Variants in TSC2 observed in about 807,000 individuals in gnomAD.
The protein encoded by TSC2 is TSC complex subunit 2, also known as tuberin.
TSC2 carries 29 observed loss-of-function variants against 202.2 expected under a neutral mutation model. That is an observed-to-expected ratio of 0.14 (90% CI 0.11 to 0.20). The LOEUF is 0.20. Among genes scored for constraint, TSC2 ranks in the 10% least tolerant of loss-of-function variants. The probability of loss-of-function intolerance (pLI) is 1.00; values close to 1 mark genes in which losing one functional copy is unlikely to be tolerated. For missense variants in TSC2, 2,429 were observed against 2,420.0 expected (o/e 1.00, Z -0.08); for synonymous variants, 1,349 against 1,044.0 (o/e 1.29, Z -5.63).
Position 2,085,250 on chromosome 16 carries a change from G to A in TSC2, c.4590G>A (p.Ser1530=), listed in dbSNP as rs377377367. The change falls in exon 36 of 42, where the codon TCG becomes TCA. Residue 1530 remains serine (S), a synonymous_variant. Transcript: ENST00000219476. ...CACAGTCACAGTCCTTTGAGCGGTC[G>A]GTGCAGCTCCTCGACCAGATCCCAT... ...LPNESQSFER[S]VQLLDQIPSY... 13 of 1,612,648 alleles carry A rather than the reference G, an allele frequency of 8.1e-6. No individual in the cohort carries two copies. Among genetic ancestry groups the A allele is most frequent in the Non-Finnish European group, 1.1e-5 (13 of 1,179,966 alleles).
At chr16:2,057,026 C>A (rs905115606) in intron 8 of TSC2, 79 bp from the exon 9 acceptor site, 4 of 1,528,248 alleles carry the variant, frequency 2.6e-6, no homozygotes, top group Non-Finnish European at 3.5e-6. Flanking sequence ...GGGCAGCAGC[C>A]AGGCGGGGCC....
intron 2 of TSC2, among the ~76,000 whole-genome samples, chr16:2,049,475 T>G (rs1004903597): frequency 6.6e-6 from 1 of 152,234 alleles, no homozygotes; most frequent in African/African-American, 2.4e-5. Flanking sequence ...ATTTTTGCAC[T>G]TGTAAAGTTT....
intron 4 of TSC2, 199 bp downstream of exon 4, chr16:2,053,651 C>T: frequency 1.5e-6 from 1 of 687,324 alleles, no homozygotes; most frequent in South Asian, 1.5e-5. Flanking sequence ...TGCCTCCTCG[C>T]CTGTAAACAG....
chr16:2,053,593 G>A, intron 4 of TSC2, 141 bp downstream of exon 4: 1 of 837,652 alleles, frequency 1.2e-6, no homozygotes, highest in Non-Finnish European at 2.0e-6. Context: ...GGAGCTGGAT[G>A]GCCTGTGGGG....
intron 10 of TSC2, among the ~76,000 whole-genome samples, 185 bp downstream of exon 10, chr16:2,059,058 T>TTC (rs1441169123): frequency 6.6e-6 from 1 of 151,600 alleles, no homozygotes; most frequent in Non-Finnish European, 1.5e-5. Context: ...TTTTTTTTTT[T>TTC]TTTGAGAAGG....
chr16:2,083,636 C>T (rs778619340), intron 32 of TSC2, 59 bp from the exon 33 acceptor site: 77 of 1,551,044 alleles, frequency 5.0e-5, no homozygotes, highest in East Asian at 3.1e-4. Flanking sequence ...TCGGAGGCCA[C>T]GTCAGGGCCA....
chr16:2,075,669 A>T, intron 22 of TSC2, 130 bp from the exon 23 acceptor site: 1 of 955,074 alleles, frequency 1.0e-6, no homozygotes. Context: ...CGGGAAAGCC[A>T]CGTCCGTGTG....
intron 16 of TSC2, among the ~76,000 whole-genome samples, 183 bp downstream of exon 16, chr16:2,065,818 A>T (rs8063461): frequency 6.6e-6 from 1 of 151,970 alleles, no homozygotes; most frequent in African/African-American, 2.4e-5. Context: ...GGATGGATGC[A>T]AGAGGCCCCG....
intron 2 of TSC2, among the ~76,000 whole-genome samples, chr16:2,049,951 A>T (rs1393872532): frequency 3.3e-5 from 5 of 149,926 alleles, no homozygotes; most frequent in African/African-American, 9.8e-5. Context: ...CCCTCAGTAA[A>T]TCTTTTTTTT....
chr16:2,083,514 C>T lies in TSC2; in HGVS notation c.3884-181C>T, dbSNP rs538450926. 43 of 1,061,072 alleles carry T rather than the reference C, an allele frequency of 4.1e-5. No homozygotes were observed. The East Asian group carries it at 4.2e-4, about 10-fold the overall frequency. 65.7% of individuals were successfully genotyped at this position (1,061,072 alleles called of 1,614,324 possible). ...GCAGGAGAGGCCTGTGTCGGGGTCA[C>T]GTGCAGGCCTTCCCAGCGTCCTCCC... On this transcript the variant is annotated intron_variant, in intron 32 of 41. Coordinates refer to ENST00000219476, the MANE Select transcript of TSC2 (RefSeq NM_000548.5).
Position 2,083,790 on chromosome 16 carries a change from G to C in TSC2, c.3979G>C (p.Asp1327His), listed in dbSNP as rs2090430035. The C allele has an allele frequency of 1.2e-6, 2 of 1,611,480 alleles. No individual in the cohort carries two copies. The highest frequency in any genetic ancestry group is 1.7e-5 in the Admixed American group (1 of 59,846). ...LEDVEAALGM[D>H]RRTDAYSRSS... ...GGACGTTGAGGCAGCGCTAGGCATG[G>C]ACAGGCGCACGGATGCCTACAGCAG... The change falls in exon 33 of 42, where the codon GAC (aspartate) becomes CAC (histidine). Residue 1327 changes from aspartate (D) to histidine (H), a missense_variant. By Grantham distance (81) the Asp-to-His change is moderately conservative. Transcript: ENST00000219476.
Position 2,088,750 on chromosome 16 carries a change from CG to C in TSC2, c.*145del, listed in dbSNP as rs202247051. On this transcript the variant is annotated 3_prime_UTR_variant, in exon 42 of 42. Coordinates refer to ENST00000219476, the MANE Select transcript of TSC2 (RefSeq NM_000548.5). ...TTTTATTGACTTTGTCTGCTTGGTG[CG>C]GGGGTTGGGGGGGTGTCGAGGCTCT... 0.019 allele frequency: 23,272 copies of C among 1,219,064 alleles called. 338 individuals carry two copies. The highest frequency in any genetic ancestry group is 0.022 in the Non-Finnish European group (19,808 of 883,918). The allele number at this position is 1,219,064 out of a possible 1,614,324, so 75.5% of individuals were successfully genotyped here. A position where few individuals can be genotyped will look rare whatever the true frequency, so the allele number is the denominator to read the frequency against.
Position 2,084,254 on chromosome 16 carries a change from G to A in TSC2, c.4032G>A (p.Glu1344=), listed in dbSNP as rs777520842. Residue 1344 remains glutamate, a synonymous_variant, in exon 34 of 42, where the codon GAG becomes GAA. Coordinates refer to ENST00000219476, the MANE Select transcript of TSC2 (RefSeq NM_000548.5). ...CGTCCTCAGTCTCCAGCCAGGAGGA[G>A]AAGTCGCTCCACGCGGAGGAGCTGG... ...SRSSSVSSQE[E]KSLHAEELVG... 5 of 1,604,078 alleles carry A rather than the reference G, an allele frequency of 3.1e-6. No homozygotes were observed. In the South Asian group the frequency reaches 4.5e-5, roughly 14 times the overall value.
intron 11 of TSC2, 109 bp from the exon 12 acceptor site, chr16:2,061,762 C>T (rs530082029): frequency 1.9e-6 from 3 of 1,587,714 alleles, no homozygotes; most frequent in Admixed American, 1.7e-5. Context: ...CCAGAGCGGC[C>T]TGAGAGGGCT....
Position 2,076,529 on chromosome 16 carries a change from C to T in TSC2, c.2781C>T (p.Thr927=), listed in dbSNP as rs376275903. The part of the protein sequence containing the change: ...RSNVLLSFDD[T]PEKDSFRARS... The stretch of plus-strand genomic sequence containing the variant: ...ATGTCCTCTTGTCTTTTGATGACAC[C>T]CCCGAGAAGGACAGCTTCAGGGCCC... The change falls in exon 25 of 42, where the codon ACC becomes ACT. Residue 927 remains threonine (T), a synonymous_variant. Coordinates refer to ENST00000219476, the MANE Select transcript of TSC2 (RefSeq NM_000548.5). 94 of 1,613,436 alleles carry T rather than the reference C, an allele frequency of 5.8e-5. No homozygotes were observed. The highest frequency in any genetic ancestry group is 7.5e-5 in the Non-Finnish European group (89 of 1,180,000).
At position 2,056,700 on chromosome 16, in the gene TSC2, C is replaced by A. The variant is rs2151079388; in HGVS notation, c.705C>A (p.Ser235Arg). ...GCTACAACTGCCTGCCGGCTGAGAG[C>A]CTCCCGCTGTTCATCGTTACCCTCT... is the stretch of plus-strand genomic sequence containing the variant. Reference protein sequence around the residue: ...VVCYNCLPAESLPLFIVTLCR... With the variant: ...VVCYNCLPAERLPLFIVTLCR... The change falls in exon 8 of 42, where the codon AGC becomes AGA. Residue 235 changes from serine to arginine, a missense_variant. By Grantham distance (110) the Ser-to-Arg change is moderately radical. Transcript: ENST00000219476. The A allele has an allele frequency of 6.2e-7, 1 of 1,612,612 alleles. No individual in the cohort carries two copies. Among genetic ancestry groups the A allele is most frequent in the East Asian group, 2.2e-5 (1 of 44,888 alleles).
intron 30 of TSC2, chr16:2,080,774 G>A (rs56201105): frequency 0.12 from 28,695 of 232,250 alleles, 2,105 homozygotes; most frequent in Non-Finnish European, 0.16. Flanking sequence ...GTGAGCCACC[G>A]CGCCCAGCCA....
chr16:2,080,642 C>G, intron 30 of TSC2: 1 of 480,184 alleles, frequency 2.1e-6, no homozygotes, highest in South Asian at 2.2e-5. Context: ...CGCCACCACG[C>G]CTGGCCAATT....
intron 30 of TSC2, chr16:2,080,687 T>C (rs1000026519): frequency 1.2e-4 from 46 of 371,488 alleles, no homozygotes; most frequent in Middle Eastern, 1.7e-3. Flanking sequence ...GGTTTCACTG[T>C]GTTAGCCAGG....
Sources: gnomAD v4.1 joint callset for allele counts (sites outside exome capture counted in the v4.1 genomes callset) on GRCh38, gnomAD v4.1.1 for gene constraint, MANE v1.5 for transcripts, NCBI Gene and HGNC (gene_info 2026-07-23, HGNC 2026-07-21) for gene names.